The following TTLL11 variants were observed in gnomAD, a reference collection of about 807,000 sequenced individuals.
The protein encoded by TTLL11 is tubulin polyglutamylase TTLL11.
TTLL11 carries 42 observed loss-of-function variants against 51.7 expected under a neutral mutation model. The observed-to-expected ratio is 0.81, with a 90% confidence interval of 0.64 to 1.05. TTLL11 has a LOEUF of 1.05. Ranked by LOEUF, TTLL11 falls within the 50% of genes least tolerant of loss-of-function variation. TTLL11 has a pLI of 0.00. For missense variants in TTLL11, 799 were observed against 940.4 expected, an observed-to-expected ratio of 0.85 and a Z score of 1.97; for synonymous variants, 381 against 383.5, an observed-to-expected ratio of 0.99 and a Z score of 0.08.
chr9:122,074,678 G>C (rs1482459761), intron 1 of TTLL11, among the ~76,000 whole-genome samples: 1 of 150,980 alleles, frequency 6.6e-6, no homozygotes, highest in Non-Finnish European at 1.5e-5. Context: ...GAGGCAGGAG[G>C]ATTGCTTGAG....
At position 121,831,699 on chromosome 9, in the gene TTLL11, C is replaced by CAAA. The variant is rs35519622; in HGVS notation, c.1841-8823_1841-8821dup. Among the ~76,000 whole-genome samples, 542 of 133,416 alleles carry CAAA rather than the reference C, an allele frequency of 4.1e-3. 8 individuals carry two copies. The highest frequency in any genetic ancestry group is 0.014 in the African/African-American group (508 of 35,742). 87.5% of individuals were successfully genotyped at this position (133,416 alleles called of 152,430 possible). A position where few individuals can be genotyped will look rare whatever the true frequency, so the allele number is the denominator to read the frequency against. On this transcript the variant is annotated intron_variant, in intron 8 of 8. Coordinates refer to ENST00000321582, the MANE Select transcript of TTLL11 (RefSeq NM_001139442.2). The stretch of plus-strand genomic sequence containing the variant: ...TGGGCAAGAGAGAGAGACTCTGTCT[C>CAAA]AAAAAAAAAAAAAAAAGAATGGTTT...
chr9:121,916,140 G>A (rs892293087), intron 6 of TTLL11, among the ~76,000 whole-genome samples: 1 of 152,020 alleles, frequency 6.6e-6, no homozygotes, highest in African/African-American at 2.4e-5. Context: ...GCCCCAAACT[G>A]GTATAGCACA....
At chr9:122,045,358 G>C (rs1392668541) in intron 1 of TTLL11, among the ~76,000 whole-genome samples, 4 of 152,110 alleles carry the variant, frequency 2.6e-5, no homozygotes, top group Admixed American at 1.3e-4. Flanking sequence ...TTCAAGATCA[G>C]CCTGGCCAAC....
intron 8 of TTLL11, among the ~76,000 whole-genome samples, chr9:121,831,051 G>A (rs989934772): frequency 2.0e-5 from 3 of 152,290 alleles, no homozygotes; most frequent in South Asian, 2.1e-4. Flanking sequence ...ATGGTCCGAG[G>A]GTAGTGCCAG....
chr9:121,903,662 A>C (rs1172439842), intron 6 of TTLL11, among the ~76,000 whole-genome samples: 13 of 152,168 alleles, frequency 8.5e-5, no homozygotes, highest in Non-Finnish European at 2.9e-5. Flanking sequence ...ACATGTATTT[A>C]TTTTTATGCA....
At chr9:122,033,465 G>T (rs1373329559) in intron 2 of TTLL11, among the ~76,000 whole-genome samples, 1 of 152,088 alleles carries the variant, frequency 6.6e-6, no homozygotes, top group Non-Finnish European at 1.5e-5. Flanking sequence ...GGCTACAAAT[G>T]GCCTTTACCC....
chr9:121,833,624 G>T (rs570569913), intron 8 of TTLL11, among the ~76,000 whole-genome samples: 45 of 152,250 alleles, frequency 3.0e-4, no homozygotes, highest in African/African-American at 1.0e-3. Flanking sequence ...GCCCAGAGAG[G>T]CTAAGTGGCT....
intron 8 of TTLL11, among the ~76,000 whole-genome samples, chr9:121,828,072 G>T (rs913865855): frequency 6.6e-6 from 1 of 152,066 alleles, no homozygotes; most frequent in Non-Finnish European, 1.5e-5. Context: ...CCCATGCATG[G>T]CCTTCCCTCC....
At chr9:121,969,449 T>C (rs1397114761) in intron 6 of TTLL11, among the ~76,000 whole-genome samples, 1 of 152,184 alleles carries the variant, frequency 6.6e-6, no homozygotes, top group African/African-American at 2.4e-5. Flanking sequence ...AGATGCATGA[T>C]GCATGCACAC....
At chr9:121,969,912 T>G (rs950002963) in intron 6 of TTLL11, among the ~76,000 whole-genome samples, 2 of 152,246 alleles carry the variant, frequency 1.3e-5, no homozygotes, top group African/African-American at 4.8e-5. Flanking sequence ...AATTTCAGCC[T>G]TTTCCTCTGC....
chr9:122,075,227 G>T (rs2081674565), intron 1 of TTLL11, among the ~76,000 whole-genome samples: 1 of 152,090 alleles, frequency 6.6e-6, no homozygotes, highest in Non-Finnish European at 1.5e-5. Context: ...TTGAGGAATG[G>T]GTCCCTTTTT....
intron 6 of TTLL11, among the ~76,000 whole-genome samples, chr9:121,887,464 C>T (rs1046842418): frequency 2.0e-5 from 3 of 152,330 alleles, no homozygotes; most frequent in East Asian, 3.9e-4. Context: ...TTCTCTTCCC[C>T]ACGTTAATCG....
In TTLL11 at chr9:122,031,719, C is replaced by G; in HGVS notation, c.693+4G>C. 1 of 1,612,286 alleles carries G rather than the reference C, an allele frequency of 6.2e-7. No homozygotes were observed. Among genetic ancestry groups the G allele is most frequent in the Non-Finnish European group, 8.5e-7 (1 of 1,179,854 alleles). On this transcript the variant is annotated splice_donor_region_variant and intron_variant, in intron 3 of 8. Coordinates refer to ENST00000321582, the MANE Select transcript of TTLL11 (RefSeq NM_001139442.2). Reference sequence around the variant, plus strand: ...AGGGGTCATGGGGACGGAGTGCCATCTACCTGAGCAACAAAGAGCTGGAAC... The same window carrying G: ...AGGGGTCATGGGGACGGAGTGCCATGTACCTGAGCAACAAAGAGCTGGAAC...
At chr9:122,089,214 A>G (rs1846200665) in intron 1 of TTLL11, among the ~76,000 whole-genome samples, 1 of 151,872 alleles carries the variant, frequency 6.6e-6, no homozygotes, top group African/African-American at 2.4e-5. Context: ...TACCTGGGCT[A>G]CTCATCCACT....
At chr9:121,874,716 G>A (rs1838498618) in intron 6 of TTLL11, among the ~76,000 whole-genome samples, 1 of 151,124 alleles carries the variant, frequency 6.6e-6, no homozygotes, top group Non-Finnish European at 1.5e-5. Context: ...TAGAGTCAGT[G>A]ATCAGTCCCC....
Position 122,002,982 on chromosome 9 carries a change from G to A in TTLL11, c.694-13212C>T, listed in dbSNP as rs539690085. ...AAAAAAAAGAGATCCCCAGCGTGTC[G>A]AGCCTCCCTGCCAACCCACCGGACA... is the stretch of plus-strand genomic sequence containing the variant. On this transcript the variant is annotated intron_variant, in intron 3 of 8. Coordinates refer to ENST00000321582, the MANE Select transcript of TTLL11 (RefSeq NM_001139442.2). Among the ~76,000 whole-genome samples, 8 of 137,768 alleles carry A rather than the reference G, an allele frequency of 5.8e-5. No homozygotes were observed. In the East Asian group the frequency reaches 1.2e-3, roughly 21 times the overall value. The allele number at this position is 137,768 out of a possible 152,430, so 90.4% of individuals were successfully genotyped here.
intron 6 of TTLL11, among the ~76,000 whole-genome samples, chr9:121,915,980 GACACACACATACACACACAC>G (rs1287903719): frequency 1.0e-5 from 1 of 98,624 alleles, no homozygotes; most frequent in Non-Finnish European, 2.0e-5. Context: ...TATAGACAAA[GACACACACATACACACACAC>G]ACACACACAC....
chr9:122,088,491 C>G (rs1022907030), intron 1 of TTLL11, among the ~76,000 whole-genome samples: 1 of 152,158 alleles, frequency 6.6e-6, no homozygotes, highest in Admixed American at 6.5e-5. Flanking sequence ...TAGCTCTGTC[C>G]CTTACTAGCT....
chr9:121,916,375 T>C (rs1840327434), intron 6 of TTLL11, among the ~76,000 whole-genome samples: 1 of 152,176 alleles, frequency 6.6e-6, no homozygotes, highest in Non-Finnish European at 1.5e-5. Context: ...AAATTGTTTA[T>C]AGTGGTTGTC....
Sources: gnomAD v4.1 joint callset for allele counts (sites outside exome capture counted in the v4.1 genomes callset) on GRCh38, gnomAD v4.1.1 for gene constraint, MANE v1.5 for transcripts, NCBI Gene and HGNC (gene_info 2026-07-23, HGNC 2026-07-21) for gene names.